Variants in NEB observed in about 807,000 individuals in gnomAD.
NEB encodes the protein nemaline myopathy type 2.
NEB carries 512 observed loss-of-function variants against 952.2 expected under a neutral mutation model. That is an observed-to-expected ratio of 0.54 (90% CI 0.50 to 0.58). The LOEUF (loss-of-function observed/expected upper bound fraction) is 0.58. NEB is among the 20% of genes least tolerant of loss of function. The pLI, the probability that NEB is intolerant of heterozygous loss-of-function variation, is 0.00. For synonymous variants in NEB, 2,900 were observed against 3,149.8 expected (o/e 0.92, Z 2.66); for missense variants, 8,428 against 9,231.1 (o/e 0.91, Z 3.56).
rs1574938723 is a variant in NEB at position 151,643,890 on chromosome 2, C to T, written c.7884G>A (p.Leu2628=). ...LVSDVDYKNY[L]HQWTCLPDQS... Reference sequence around the variant, plus strand: ...GGTCGGGCAGGCATGTCCACTGGTGCAGGTAGTTCTTGTAGTCCACGTCGC... The same window carrying T: ...GGTCGGGCAGGCATGTCCACTGGTGTAGGTAGTTCTTGTAGTCCACGTCGC... Residue 2628 remains leucine (L), a synonymous_variant, in exon 57 of 182, where the codon CTG becomes CTA. Transcript: ENST00000397345. 1 of 1,614,030 alleles carries T rather than the reference C, an allele frequency of 6.2e-7. No homozygotes were observed. Among genetic ancestry groups the T allele is most frequent in the Non-Finnish European group, 8.5e-7 (1 of 1,179,880 alleles).
chr2:151,627,501 A>G, intron 69 of NEB, 22 bp downstream of exon 69: 3 of 1,610,198 alleles, frequency 1.9e-6, no homozygotes, highest in Non-Finnish European at 2.5e-6. Flanking sequence ...GAGCACAGTT[A>G]CCATGGATCT....
Position 151,537,903 on chromosome 2 carries a change from T to G in NEB, c.21071A>C (p.His7024Pro), listed in dbSNP as rs2093435704. 6.2e-7 allele frequency: 1 copy of G among 1,612,308 alleles called. No homozygotes were observed. Among genetic ancestry groups the G allele is most frequent in the Non-Finnish European group, 8.5e-7 (1 of 1,179,264 alleles). The change falls in exon 140 of 182, where the codon CAC (histidine) becomes CCC (proline). Residue 7024 changes from histidine to proline, a missense_variant. His to Pro is a moderately conservative substitution (Grantham distance 77). Around this residue, in one of 11 missense-constraint regions of NEB, gnomAD observed 3,374 missense variants for 3,651.5 expected, o/e 0.92. Coordinates refer to ENST00000397345, the MANE Select transcript of NEB (RefSeq NM_001164508.2). Reference protein sequence around the residue: ...RSIPDRPEHFHHRAVTDTVSD... With the variant: ...RSIPDRPEHFPHRAVTDTVSD... The stretch of plus-strand genomic sequence containing the variant: ...GACTGTGTCAGTGACTGCTCGGTGG[T>G]GGAAATGCTCTGGACGATCAGGAAT...
rs368371414 is a variant in NEB at position 151,663,695 on chromosome 2, C to T, written c.5616G>A (p.Pro1872=). The T allele has an allele frequency of 1.1e-4, 173 of 1,613,746 alleles. 1 individual carries two copies. In the Middle Eastern group the frequency reaches 1.2e-3, roughly 11 times the overall value. The change falls in exon 45 of 182, where the codon CCG becomes CCA. Residue 1872 remains proline, a synonymous_variant. Transcript: ENST00000397345. Reference sequence around the variant, plus strand: ...CTGCCACCACACTGAGCATGTCCACCGGGGTGTGGAAGGAGGTCTTGGATT... The same window carrying T: ...CTGCCACCACACTGAGCATGTCCACTGGGGTGTGGAAGGAGGTCTTGGATT... ...YEKSKTSFHT[P]VDMLSVVAAK...
Position 151,659,068 on chromosome 2 carries a change from A to T in NEB, c.6072T>A (p.Ser2024Arg). Residue 2024 changes from serine to arginine, a missense_variant, in exon 47 of 182, where the codon AGT becomes AGA. Physicochemically the swap from Ser to Arg is moderately radical, Grantham distance 110 (BLOSUM62 -1). This residue lies in a region of NEB where 2,851 missense variants were observed against 2,791.5 expected (regional missense o/e 1.02). Transcript: ENST00000397345. ...ILAKANAINM[S>R]DKLYKLSLEE... ...CAACAGGGGGAACTATACTTACATC[A>T]CTCATATTAATTGCATTTGCCTTTG... The T allele has an allele frequency of 6.3e-7, 1 of 1,586,146 alleles. No individual in the cohort carries two copies. The highest frequency in any genetic ancestry group is 8.7e-7 in the Non-Finnish European group (1 of 1,154,704).
At chr2:151,540,660 T>G in intron 137 of NEB, 37 bp downstream of exon 137, 1 of 1,565,778 alleles carries the variant, frequency 6.4e-7, no homozygotes. Flanking sequence ...GTATTTTTCT[T>G]TTTACCCAGT....
Position 151,493,878 on chromosome 2 carries a change from C to T in NEB, c.24580-11G>A. Reference sequence around the variant, plus strand: ...CTCTTTGTATAACACCTGTGAGATACAAAGTCATGCCCGAAAGTCACTACG... The same window carrying T: ...CTCTTTGTATAACACCTGTGAGATATAAAGTCATGCCCGAAAGTCACTACG... On this transcript the variant is annotated splice_polypyrimidine_tract_variant and intron_variant, in intron 174 of 181. Coordinates refer to ENST00000397345, the MANE Select transcript of NEB (RefSeq NM_001164508.2). The T allele has an allele frequency of 6.7e-7, 1 of 1,499,294 alleles. No homozygotes were observed. Among genetic ancestry groups the T allele is most frequent in the Non-Finnish European group, 9.0e-7 (1 of 1,110,266 alleles). The allele number at this position is 1,499,294 out of a possible 1,614,324, so 92.9% of individuals were successfully genotyped here.
In NEB at chr2:151,560,932, C is replaced by T. The variant is rs1041067669; in HGVS notation, c.19206+72G>A. 32 of 925,814 alleles carry T rather than the reference C, an allele frequency of 3.5e-5. No individual in the cohort carries two copies. In the African/African-American group the frequency reaches 4.3e-4, roughly 13 times the overall value. The allele number at this position is 925,814 out of a possible 1,614,324, so 57.3% of individuals were successfully genotyped here. On this transcript the variant is annotated intron_variant, in intron 123 of 181. Transcript: ENST00000397345. ...GCCTTTAGGGAAAGAGTGTCCATCCCATTTATTCTCTTACTGTCCCAGAAG... is the reference window on the plus strand; with the variant it reads ...GCCTTTAGGGAAAGAGTGTCCATCCTATTTATTCTCTTACTGTCCCAGAAG...
chr2:151,533,896 G>GTTTGTTTATTTTTTGCT (rs1381843009), intron 142 of NEB, among the ~76,000 whole-genome samples: 2 of 152,122 alleles, frequency 1.3e-5, no homozygotes, highest in African/African-American at 4.8e-5. Context: ...TTTTGTTGTT[G>GTTTGTTTATTTTTTGCT]TTTGTTTATT....
At position 151,663,734 on chromosome 2, in the gene NEB, C is replaced by T. The variant is rs751519609; in HGVS notation, c.5577G>A (p.Lys1859=). 4 of 1,613,820 alleles carry T rather than the reference C, an allele frequency of 2.5e-6. No homozygotes were observed. In the South Asian group the frequency reaches 4.4e-5, roughly 18 times the overall value. The change falls in exon 45 of 182, where the codon AAG becomes AAA. Residue 1859 remains lysine, a synonymous_variant. Transcript: ENST00000397345. The part of the protein sequence containing the change: ...VAKMQSDREY[K]KGYEKSKTSF... ...AGGTCTTGGATTTCTCATATCCCTT[C>T]TTGTATTCCCGGTCTGACTGCATCT... is the stretch of plus-strand genomic sequence containing the variant.
Position 151,547,697 on chromosome 2 carries a change from G to A in NEB, c.20199C>T (p.Ile6733=), listed in dbSNP as rs1322022679. ...TCTCAGGGGTATCGGGAGTTGTATG[G>A]ATCTTGTCTTTCAGTTTGTGGTACA... ...RELYHKLKDK[I]HTTPDTPEIR... Residue 6733 remains isoleucine (I), a synonymous_variant, in exon 132 of 182, where the codon ATC becomes ATT. Coordinates refer to ENST00000397345, the MANE Select transcript of NEB (RefSeq NM_001164508.2). 2 of 1,613,626 alleles carry A rather than the reference G, an allele frequency of 1.2e-6. No homozygotes were observed. Among genetic ancestry groups the A allele is most frequent in the South Asian group, 1.1e-5 (1 of 91,032 alleles).
chr2:151,655,427 A>C, intron 50 of NEB, 53 bp from the exon 51 acceptor site: 1 of 1,027,902 alleles, frequency 9.7e-7, no homozygotes, highest in Non-Finnish European at 1.4e-6. Flanking sequence ...ACAAGCAGGA[A>C]AGAAAAATAT....
At chr2:151,548,740 CAA>C (rs2095021256) in intron 130 of NEB, among the ~76,000 whole-genome samples, 1 of 152,204 alleles carries the variant, frequency 6.6e-6, no homozygotes, top group Admixed American at 6.5e-5. Context: ...AAAGAAGAAA[CAA>C]GAGAATGTAT....
intron 47 of NEB, 38 bp from the exon 48 acceptor site, chr2:151,658,128 T>C (rs2099106417): frequency 1.4e-6 from 2 of 1,400,598 alleles, no homozygotes; most frequent in South Asian, 2.5e-5. Flanking sequence ...TTCTTCTAAA[T>C]ATGAAAGCCT....
chr2:151,616,147 A>G, intron 75 of NEB, 38 bp from the exon 76 acceptor site: 7 of 1,362,102 alleles, frequency 5.1e-6, no homozygotes, highest in Non-Finnish European at 6.2e-6. Flanking sequence ...TACTCCTTCC[A>G]TAAAAAGTGA....
At chr2:151,537,368 T>C in intron 140 of NEB, 132 bp from the exon 141 acceptor site, 1 of 576,458 alleles carries the variant, frequency 1.7e-6, no homozygotes, top group Non-Finnish European at 3.1e-6. Flanking sequence ...TTAAAACAAT[T>C]ATTTAAAAGA....
intron 107 of NEB, among the ~76,000 whole-genome samples, chr2:151,573,044 C>T (rs543247547): frequency 2.0e-4 from 30 of 152,174 alleles, no homozygotes; most frequent in Admixed American, 1.5e-3. Context: ...GTCACTTTAA[C>T]GTGAATTTGC....
At chr2:151,723,591 G>A (rs757964553) in intron 8 of NEB, 105 bp from the exon 9 acceptor site, 1 of 760,556 alleles carries the variant, frequency 1.3e-6, no homozygotes, top group Non-Finnish European at 2.2e-6. Flanking sequence ...CAAGGGCCAG[G>A]TGAGAGCAAA....
rs757232974 is a variant in NEB, at chr2:151,723,492, T to A, written c.613-6A>T. On this transcript the variant is annotated splice_region_variant and splice_polypyrimidine_tract_variant and intron_variant, in intron 8 of 181. Transcript: ENST00000397345. ...CAGTCTTCAGTGTACAGTTTCTAAA[T>A]CAAAAAAGAGTGAAAAGTTAGGAGG... 2 of 1,590,678 alleles carry A rather than the reference T, an allele frequency of 1.3e-6. No homozygotes were observed. Among genetic ancestry groups the A allele is most frequent in the African/African-American group, 2.7e-5 (2 of 74,486 alleles).
chr2:151,720,066 C>G (rs1482122981), intron 9 of NEB, among the ~76,000 whole-genome samples: 1 of 151,962 alleles, frequency 6.6e-6, no homozygotes, highest in Non-Finnish European at 1.5e-5. Context: ...CCTAATTTCT[C>G]AGGAACCTTC....
Sources: gnomAD v4.1 joint callset for allele counts (sites outside exome capture counted in the v4.1 genomes callset) on GRCh38, gnomAD v4.1.1 for gene constraint, gnomAD v4.1.1 regional missense constraint, MANE v1.5 for transcripts, NCBI Gene and HGNC (gene_info 2026-07-23, HGNC 2026-07-21) for gene names.